Variants in DOCK8 observed in about 807,000 individuals in gnomAD.
DOCK8 encodes dedicator of cytokinesis 8.
Under a neutral mutation model 245.6 loss-of-function variants are expected in DOCK8, and 141 were observed. That is an observed-to-expected ratio of 0.57 (90% CI 0.50 to 0.66). The LOEUF (loss-of-function observed/expected upper bound fraction) is 0.66, where lower values mean the gene tolerates loss of function less well. Ranked by LOEUF, DOCK8 falls within the 30% of genes least tolerant of loss-of-function variation. DOCK8 has a pLI of 0.00. For missense variants in DOCK8, 2,965 were observed against 2,603.4 expected, an observed-to-expected ratio of 1.14 and a Z score of -3.02; for synonymous variants, 1,168 against 970.2, an observed-to-expected ratio of 1.20 and a Z score of -3.79.
intron 14 of DOCK8, among the ~76,000 whole-genome samples, chr9:352,385 G>A (rs1002814768): frequency 2.6e-5 from 4 of 152,112 alleles, no homozygotes; most frequent in African/African-American, 7.2e-5. Flanking sequence ...TCCTCCCAGA[G>A]TTGTGATGAA....
At chr9:420,869 G>A in intron 31 of DOCK8, 80 bp from the exon 32 acceptor site, 2 of 1,577,766 alleles carry the variant, frequency 1.3e-6, no homozygotes, top group Non-Finnish European at 1.7e-6. Flanking sequence ...GCATCACTGT[G>A]GAGTGTACTG....
chr9:215,084 GAAGCGGA>G lies in DOCK8; in HGVS notation c.53+56_53+62del, dbSNP rs773786982. The G allele has an allele frequency of 3.3e-6, 5 of 1,529,160 alleles. No individual in the cohort carries two copies. In the South Asian group the frequency reaches 6.0e-5, roughly 18 times the overall value. 94.7% of individuals were successfully genotyped at this position (1,529,160 alleles called of 1,614,324 possible). A position where few individuals can be genotyped will look rare whatever the true frequency, so the allele number is the denominator to read the frequency against. On this transcript the variant is annotated intron_variant, in intron 1 of 47. Transcript: ENST00000432829. ...CGGCCGGACAGCCCAGCGCTGGTGT[GAAGCGGA>G]GCTTCGCTGCAGGGGCCGAGGCCGG...
chr9:273,145 TTG>T (rs3831137), intron 2 of DOCK8: 733,208 of 979,742 alleles, frequency 0.75, 275,866 homozygotes, highest in East Asian at 0.82. Flanking sequence ...GAAGGATAAT[TTG>T]TGTGTTGCGT....
chr9:432,473 T>TA, intron 37 of DOCK8, 149 bp downstream of exon 37: 1 of 750,912 alleles, frequency 1.3e-6, no homozygotes, highest in Non-Finnish European at 2.1e-6. Context: ...CTCTCAGCAC[T>TA]CTGAGAGGTT....
At chr9:244,814 C>G (rs957579350) in intron 1 of DOCK8, among the ~76,000 whole-genome samples, 3 of 152,002 alleles carry the variant, frequency 2.0e-5, no homozygotes, top group African/African-American at 7.3e-5. Flanking sequence ...CGTGAAGGCC[C>G]TATTGGTGTT....
intron 4 of DOCK8, among the ~76,000 whole-genome samples, chr9:301,362 A>G (rs977874905): frequency 2.6e-5 from 4 of 152,240 alleles, no homozygotes; most frequent in South Asian, 2.1e-4. Context: ...AGAGCCATCT[A>G]TTATTCAACT....
intron 4 of DOCK8, among the ~76,000 whole-genome samples, chr9:297,123 G>C (rs567332630): frequency 6.6e-6 from 1 of 152,288 alleles, no homozygotes; most frequent in African/African-American, 2.4e-5. Flanking sequence ...AAAGGAGAAA[G>C]AAGATGTGAA....
Position 386,386 on chromosome 9 carries a change from C to A in DOCK8, c.2834C>A (p.Ala945Asp). Residue 945 changes from alanine to aspartate, a missense_variant, in exon 23 of 48, where the codon GCT becomes GAT. Around this residue, in one of 3 missense-constraint regions of DOCK8, gnomAD observed 2,825 missense variants for 2,453.5 expected, o/e 1.15. Coordinates refer to ENST00000432829, the MANE Select transcript of DOCK8 (RefSeq NM_203447.4). ...MSYYCSGSSD[A>D]PSSPAAPRPA... ...TACTATTGCTCTGGCAGTAGTGATG[C>A]TCCAAGTTCACCTGCAGCCCCAAGG... 1 of 1,613,922 alleles carries A rather than the reference C, an allele frequency of 6.2e-7. No individual in the cohort carries two copies. The highest frequency in any genetic ancestry group is 1.1e-5 in the South Asian group (1 of 91,064).
At chr9:363,647 A>G (rs10972453) in intron 14 of DOCK8, among the ~76,000 whole-genome samples, 24,317 of 152,160 alleles carry the variant, frequency 0.16, 2,327 homozygotes, top group Middle Eastern at 0.26. Flanking sequence ...ACCTTTCTGG[A>G]TGTTAGTTTC....
chr9:254,693 C>T (rs1159327041), intron 1 of DOCK8, among the ~76,000 whole-genome samples: 1 of 152,186 alleles, frequency 6.6e-6, no homozygotes, highest in Non-Finnish European at 1.5e-5. Context: ...GACTCACATT[C>T]TCCTTCTACT....
chr9:396,305 A>C (rs1249353876), intron 24 of DOCK8, among the ~76,000 whole-genome samples: 1 of 152,190 alleles, frequency 6.6e-6, no homozygotes, highest in Non-Finnish European at 1.5e-5. Context: ...GAAACACTGA[A>C]ACTCAAGATA....
In DOCK8 at chr9:432,310, C is replaced by G. The variant is rs1426155316; in HGVS notation, c.4771C>G (p.Pro1591Ala). Residue 1591 changes from proline to alanine, a missense_variant, in exon 37 of 48, where the codon CCT becomes GCT. Pro to Ala is a conservative substitution (Grantham distance 27). Around this residue, in one of 3 missense-constraint regions of DOCK8, gnomAD observed 2,825 missense variants for 2,453.5 expected, o/e 1.15. Coordinates refer to ENST00000432829, the MANE Select transcript of DOCK8 (RefSeq NM_203447.4). ...AGAGGACACAGCCATGCAGATGACT[C>G]CTTTTCCCACCCAGGTACACCGAAG... Reference protein sequence around the residue: ...SEEDTAMQMTPFPTQVEELLC... With the variant: ...SEEDTAMQMTAFPTQVEELLC... 8 of 1,613,902 alleles carry G rather than the reference C, an allele frequency of 5.0e-6. No individual in the cohort carries two copies. The highest frequency in any genetic ancestry group is 6.8e-6 in the Non-Finnish European group (8 of 1,180,018).
At chr9:261,886 T>C (rs949630516) in intron 1 of DOCK8, among the ~76,000 whole-genome samples, 8 of 152,174 alleles carry the variant, frequency 5.3e-5, no homozygotes, top group Non-Finnish European at 1.2e-4. Flanking sequence ...TTTTGTCTGA[T>C]AGTACTATAG....
chr9:389,507 T>C (rs1053930233), intron 23 of DOCK8, among the ~76,000 whole-genome samples: 1 of 152,162 alleles, frequency 6.6e-6, no homozygotes, highest in Non-Finnish European at 1.5e-5. Flanking sequence ...CAATGCCATA[T>C]GGGCATTATA....
At chr9:374,578 C>T (rs758010986) in intron 18 of DOCK8, among the ~76,000 whole-genome samples, 6 of 148,966 alleles carry the variant, frequency 4.0e-5, no homozygotes, top group Non-Finnish European at 7.4e-5. Flanking sequence ...CGTCTCACCT[C>T]GGCCTCCTTA....
intron 14 of DOCK8, among the ~76,000 whole-genome samples, chr9:362,827 T>C (rs2052792400): frequency 6.6e-6 from 1 of 152,136 alleles, no homozygotes; most frequent in Non-Finnish European, 1.5e-5. Context: ...AGATGAAGAG[T>C]AGGATAAACT....
intron 8 of DOCK8, among the ~76,000 whole-genome samples, chr9:326,300 A>G (rs935646992): frequency 1.3e-5 from 2 of 152,238 alleles, no homozygotes; most frequent in African/African-American, 2.4e-5. Context: ...TTCTTTACCC[A>G]TAATCATTCT....
chr9:329,210 C>A (rs868236973), intron 9 of DOCK8, among the ~76,000 whole-genome samples: 2 of 152,172 alleles, frequency 1.3e-5, no homozygotes, highest in Middle Eastern at 3.4e-3. Context: ...TATTTGGTTC[C>A]CAAAGTGTTG....
chr9:261,065 G>A (rs1331940890), intron 1 of DOCK8, among the ~76,000 whole-genome samples: 8 of 145,062 alleles, frequency 5.5e-5, no homozygotes, highest in African/African-American at 2.0e-4. Context: ...CAGCCTGGGC[G>A]ACAGAGCAAG....
Sources: allele counts gnomAD v4.1 joint callset (sites outside exome capture counted in the v4.1 genomes callset), GRCh38; gene constraint gnomAD v4.1.1; regional missense constraint gnomAD v4.1.1; transcripts MANE v1.5; gene names NCBI Gene and HGNC (gene_info 2026-07-23, HGNC 2026-07-21).